Variants in PRR16 observed in about 807,000 individuals in gnomAD.
The protein encoded by PRR16 is proline rich 16, also known as protein Largen.
A neutral mutation model predicts 18.2 loss-of-function variants in PRR16; 6 were observed. That is an observed-to-expected ratio of 0.33 (90% CI 0.18 to 0.65). The LOEUF is 0.65. PRR16 is among the 30% of genes least tolerant of loss of function. The pLI is 0.74. For missense variants in PRR16, 412 were observed against 376.6 expected, an observed-to-expected ratio of 1.09 and a Z score of -0.78; for synonymous variants, 151 against 147.8, an observed-to-expected ratio of 1.02 and a Z score of -0.16.
intron 1 of PRR16, among the ~76,000 whole-genome samples, chr5:120,634,081 C>G (rs1294144388): frequency 1.3e-5 from 2 of 152,150 alleles, no homozygotes; most frequent in Non-Finnish European, 2.9e-5. Flanking sequence ...CAAGTACTCT[C>G]TCAGATCACG....
chr5:120,646,642 C>G (rs1360967887), intron 1 of PRR16, among the ~76,000 whole-genome samples: 2 of 151,850 alleles, frequency 1.3e-5, no homozygotes, highest in Non-Finnish European at 2.9e-5. Flanking sequence ...GTAAGAAAAT[C>G]TAGGCAATGA....
the PRR16 span, among the ~76,000 whole-genome samples, chr5:120,723,317 T>C: frequency 3.9e-5 from 6 of 152,004 alleles, no homozygotes; most frequent in Non-Finnish European, 7.4e-5. Flanking sequence ...AGTAACCTCA[T>C]TGCAATTTCA....
chr5:120,518,894 A>T (rs1259250876), intron 1 of PRR16, among the ~76,000 whole-genome samples: 1 of 152,186 alleles, frequency 6.6e-6, no homozygotes, highest in Non-Finnish European at 1.5e-5. Flanking sequence ...TGTGAGATGG[A>T]AATCACCTTT....
the PRR16 span, among the ~76,000 whole-genome samples, chr5:120,775,585 A>ACAT: frequency 7.2e-6 from 1 of 138,618 alleles, no homozygotes; most frequent in Non-Finnish European, 1.6e-5. Context: ...CACTGGATAG[A>ACAT]CATCTTTCTA....
At chr5:120,595,067 G>A (rs1371561577) in intron 1 of PRR16, among the ~76,000 whole-genome samples, 1 of 151,654 alleles carries the variant, frequency 6.6e-6, no homozygotes, top group Non-Finnish European at 1.5e-5. Flanking sequence ...CATGACGAAG[G>A]ACCAAGTTGC....
chr5:120,570,018 T>G (rs1417843782), intron 1 of PRR16, among the ~76,000 whole-genome samples: 1 of 152,188 alleles, frequency 6.6e-6, no homozygotes, highest in Non-Finnish European at 1.5e-5. Context: ...CCTCCAGATG[T>G]GACCAGGACC....
chr5:120,706,318 T>TTCCTGAAGAAGAAACTAG, the PRR16 span, among the ~76,000 whole-genome samples: 1 of 151,978 alleles, frequency 6.6e-6, no homozygotes, highest in Non-Finnish European at 1.5e-5. Context: ...TTGATTTTTG[T>TTCCTGAAGAAGAAACTAG]CAGTTTGACT....
chr5:120,633,751 GATA>G, intron 1 of PRR16, among the ~76,000 whole-genome samples: 1 of 67,616 alleles, frequency 1.5e-5, no homozygotes, highest in Non-Finnish European at 3.6e-5. Context: ...TAAGAAATGA[GATA>G]GACAGCAACA....
Position 120,640,592 on chromosome 5 carries a change from A to G in PRR16, c.160-45362A>G, listed in dbSNP as rs111264997. 5.8e-3 allele frequency among the ~76,000 whole-genome samples: 878 copies of G among 152,242 alleles called. 15 individuals are homozygous for G. The highest frequency in any genetic ancestry group is 0.02 in the African/African-American group (817 of 41,550). Reference sequence around the variant, plus strand: ...TACACAGATGGGGAATTGGAATTACATTTAGGCTGGTTGCATGTACTTGTC... The same window carrying G: ...TACACAGATGGGGAATTGGAATTACGTTTAGGCTGGTTGCATGTACTTGTC... On this transcript the variant is annotated intron_variant, in intron 1 of 1. Coordinates refer to ENST00000407149, the MANE Select transcript of PRR16 (RefSeq NM_001300783.2).
intron 1 of PRR16, among the ~76,000 whole-genome samples, chr5:120,551,146 C>G (rs1054634133): frequency 2.0e-4 from 30 of 151,966 alleles, no homozygotes; most frequent in African/African-American, 7.0e-4. Context: ...GGTTCCAGAA[C>G]TTATGCACCC....
the PRR16 span, among the ~76,000 whole-genome samples, chr5:120,745,495 C>T: frequency 6.6e-6 from 1 of 151,980 alleles, no homozygotes; most frequent in Non-Finnish European, 1.5e-5. Context: ...CCCTCTGCTT[C>T]TGATTGGACT....
At chr5:120,610,241 CTCTT>C (rs1212607641) in intron 1 of PRR16, among the ~76,000 whole-genome samples, 1 of 151,930 alleles carries the variant, frequency 6.6e-6, no homozygotes, top group African/African-American at 2.4e-5. Context: ...CAATACTGTA[CTCTT>C]TCTTTATTTA....
the PRR16 span, among the ~76,000 whole-genome samples, chr5:120,775,630 TC>T: frequency 6.7e-6 from 1 of 149,406 alleles, no homozygotes; most frequent in Admixed American, 6.7e-5. Flanking sequence ...TTTTTCTTTC[TC>T]CTTTTTTTTT....
chr5:120,698,982 T>C, the PRR16 span, among the ~76,000 whole-genome samples: 2 of 152,050 alleles, frequency 1.3e-5, no homozygotes, highest in Non-Finnish European at 2.9e-5. Flanking sequence ...AGGGAAGAAA[T>C]GACTGTGGTG....
chr5:120,546,252 G>A (rs927344350), intron 1 of PRR16, among the ~76,000 whole-genome samples: 4 of 151,986 alleles, frequency 2.6e-5, no homozygotes, highest in African/African-American at 9.7e-5. Context: ...CAGTGGGAAT[G>A]GTTATATACA....
At chr5:120,472,111 T>C (rs549434019) in intron 1 of PRR16, among the ~76,000 whole-genome samples, 4 of 152,240 alleles carry the variant, frequency 2.6e-5, no homozygotes, top group African/African-American at 9.6e-5. Flanking sequence ...TGTTTACTTG[T>C]AGAATAATTG....
downstream of PRR16, among the ~76,000 whole-genome samples, chr5:120,689,620 T>C (rs962439701): frequency 1.3e-5 from 2 of 152,140 alleles, no homozygotes; most frequent in East Asian, 3.8e-4. Context: ...CCTTTGAAGG[T>C]GATGTTTCCA....
chr5:120,714,776 T>TGGCACA, the PRR16 span, among the ~76,000 whole-genome samples: 1 of 152,144 alleles, frequency 6.6e-6, no homozygotes, highest in Non-Finnish European at 1.5e-5. Context: ...AAAGAAAATG[T>TGGCACA]GGCACATATA....
At chr5:120,475,276 G>A (rs1417032832) in intron 1 of PRR16, among the ~76,000 whole-genome samples, 1 of 152,130 alleles carries the variant, frequency 6.6e-6, no homozygotes, top group Non-Finnish European at 1.5e-5. Context: ...CAGCCACACA[G>A]TTGCTCTGCT....
Sources: allele counts gnomAD v4.1 joint callset (sites outside exome capture counted in the v4.1 genomes callset), GRCh38; gene constraint gnomAD v4.1.1; transcripts MANE v1.5; gene names NCBI Gene and HGNC (gene_info 2026-07-23, HGNC 2026-07-21).